Variants in ADARB2 observed in about 807,000 individuals in gnomAD.
ADARB2 encodes the protein adenosine deaminase RNA specific B2 (inactive).
In ADARB2, 25 loss-of-function variants were observed where a neutral mutation model predicts 62.2. The observed-to-expected ratio is 0.40, with a 90% confidence interval of 0.29 to 0.56. ADARB2 has a LOEUF of 0.56. Ranked by LOEUF, ADARB2 falls within the 20% of genes least tolerant of loss-of-function variation. The probability of loss-of-function intolerance (pLI) is 0.43; values close to 1 mark genes in which losing one functional copy is unlikely to be tolerated. For missense variants in ADARB2, 1,071 were observed against 1,077.4 expected (o/e 0.99, Z 0.08); for synonymous variants, 572 against 500.8 (o/e 1.14, Z -1.90).
chr10:1,681,356 CT>C (rs960133148), intron 1 of ADARB2, among the ~76,000 whole-genome samples: 10 of 152,120 alleles, frequency 6.6e-5, no homozygotes, highest in Non-Finnish European at 1.2e-4. Context: ...TCTTAATGTC[CT>C]TTTTCCCAAC....
At chr10:1,620,663 C>A (rs1317288759) in intron 1 of ADARB2, among the ~76,000 whole-genome samples, 2 of 152,278 alleles carry the variant, frequency 1.3e-5, no homozygotes, top group African/African-American at 4.8e-5. Flanking sequence ...ACAAAAATAT[C>A]ACAAAAAGTA....
rs1410289561 is a variant in ADARB2 at position 1,323,259 on chromosome 10, A to AAC, written c.1077+39768_1077+39769insGT. 2.6e-5 allele frequency among the ~76,000 whole-genome samples: 4 copies of AAC among 152,136 alleles called. No individual in the cohort carries two copies. The East Asian group carries it at 7.7e-4, about 29-fold the overall frequency. ...GGATACTTTGAAATTGTAAAAAAAA[A>AAC]AAAAAAAAACACTGTTAGGATATGT... On this transcript the variant is annotated intron_variant, in intron 3 of 9. Transcript: ENST00000381312.
chr10:1,611,094 C>T (rs1833564772), intron 1 of ADARB2, among the ~76,000 whole-genome samples: 1 of 152,188 alleles, frequency 6.6e-6, no homozygotes, highest in Non-Finnish European at 1.5e-5. Context: ...TCCTAAACCT[C>T]CCCAAACATA....
At chr10:1,324,710 G>C (rs369752578) in intron 3 of ADARB2, among the ~76,000 whole-genome samples, 9 of 152,268 alleles carry the variant, frequency 5.9e-5, no homozygotes, top group African/African-American at 2.2e-4. Flanking sequence ...CAGACCAGTG[G>C]CCACCAGATA....
intron 6 of ADARB2, among the ~76,000 whole-genome samples, chr10:1,218,442 A>G (rs1397452117): frequency 6.6e-6 from 1 of 152,250 alleles, no homozygotes; most frequent in Non-Finnish European, 1.5e-5. Context: ...TATAGTGATT[A>G]TATCATTTAC....
intron 3 of ADARB2, among the ~76,000 whole-genome samples, chr10:1,329,357 T>C (rs1831906522): frequency 6.6e-6 from 1 of 152,220 alleles, no homozygotes; most frequent in South Asian, 2.1e-4. Flanking sequence ...GTTTAAATGA[T>C]TAAATCTCTA....
chr10:1,540,140 A>G (rs572766392), intron 1 of ADARB2, among the ~76,000 whole-genome samples: 3 of 152,322 alleles, frequency 2.0e-5, no homozygotes, highest in Admixed American at 1.3e-4. Context: ...CCGATTCTCA[A>G]CAATATAAGA....
intron 1 of ADARB2, among the ~76,000 whole-genome samples, chr10:1,564,320 TA>T (rs1175810556): frequency 6.6e-6 from 1 of 152,214 alleles, no homozygotes; most frequent in Non-Finnish European, 1.5e-5. Context: ...GAAGAAAACC[TA>T]GGCATTACCA....
intron 1 of ADARB2, among the ~76,000 whole-genome samples, chr10:1,456,663 C>A (rs1177395048): frequency 6.6e-6 from 1 of 152,124 alleles, no homozygotes; most frequent in African/African-American, 2.4e-5. Context: ...ACGCGCGGGG[C>A]GTGGTAAAAA....
intron 3 of ADARB2, among the ~76,000 whole-genome samples, chr10:1,309,152 T>A (rs2131821850): frequency 6.6e-6 from 1 of 152,328 alleles, no homozygotes; most frequent in South Asian, 2.1e-4. Flanking sequence ...ATTTGGGACA[T>A]GTCTGAGGTT....
At position 1,415,518 on chromosome 10, in the gene ADARB2, C is replaced by A. The variant is rs559891853; in HGVS notation, c.101-36358G>T. ...GGCCAGATAAACACGACACCTCTTC[C>A]GCATGGTAAGAAATATTTGGGAATA... On this transcript the variant is annotated intron_variant, in intron 1 of 9. Coordinates refer to ENST00000381312, the MANE Select transcript of ADARB2 (RefSeq NM_018702.4). Among the ~76,000 whole-genome samples the A allele has an allele frequency of 5.3e-5, 6 of 112,528 alleles. No homozygotes were observed. The East Asian group carries it at 1.3e-3, about 24-fold the overall frequency. 73.8% of individuals were successfully genotyped at this position (112,528 alleles called of 152,430 possible). A position where few individuals can be genotyped will look rare whatever the true frequency, so the allele number is the denominator to read the frequency against.
chr10:1,178,791 C>T lies in ADARB2; in HGVS notation c.*4402G>A, dbSNP rs960150362. On this transcript the variant is annotated 3_prime_UTR_variant, in exon 10 of 10. Coordinates refer to ENST00000381312, the MANE Select transcript of ADARB2 (RefSeq NM_018702.4). ...GGTATGTGGGATGGCGGCTCCCTGACATGGACTAGGGGACTCTGCAGCCTC... is the reference window on the plus strand; with the variant it reads ...GGTATGTGGGATGGCGGCTCCCTGATATGGACTAGGGGACTCTGCAGCCTC... 7 of 152,176 alleles carry T rather than the reference C, an allele frequency of 4.6e-5. No individual in the cohort carries two copies. Among genetic ancestry groups the T allele is most frequent in the African/African-American group, 1.7e-4 (7 of 41,448 alleles). The allele number at this position is 152,176 out of a possible 1,614,324, so 9.4% of individuals were successfully genotyped here.
chr10:1,571,864 G>A (rs914769081), intron 1 of ADARB2, among the ~76,000 whole-genome samples: 2 of 151,656 alleles, frequency 1.3e-5, no homozygotes, highest in East Asian at 3.9e-4. Context: ...GAGTATGCAG[G>A]TGAGTGTGCA....
chr10:1,617,929 C>T (rs376173968), intron 1 of ADARB2, among the ~76,000 whole-genome samples: 5 of 152,230 alleles, frequency 3.3e-5, no homozygotes, highest in Admixed American at 6.5e-5. Flanking sequence ...TTTTGTTGGA[C>T]GGCTCTTCCC....
chr10:1,534,688 C>T (rs1025701569), intron 1 of ADARB2: 2 of 160,504 alleles, frequency 1.2e-5, no homozygotes, highest in Admixed American at 1.3e-4. Context: ...CTATGGCTCC[C>T]TGCCCACGTG....
intron 1 of ADARB2, among the ~76,000 whole-genome samples, chr10:1,475,650 A>G (rs930105554): frequency 3.3e-5 from 5 of 152,258 alleles, no homozygotes; most frequent in Non-Finnish European, 7.3e-5. Flanking sequence ...CATATTTTTT[A>G]AAGTTCAGCC....
chr10:1,272,857 C>T (rs1459300674), intron 3 of ADARB2, among the ~76,000 whole-genome samples: 2 of 152,196 alleles, frequency 1.3e-5, no homozygotes, highest in South Asian at 2.1e-4. Flanking sequence ...AGGGATTCAT[C>T]CCCCCGAAGC....
chr10:1,501,898 G>A (rs1166474573), intron 1 of ADARB2, among the ~76,000 whole-genome samples: 1 of 152,208 alleles, frequency 6.6e-6, no homozygotes, highest in East Asian at 1.9e-4. Flanking sequence ...ACTGGGCAGA[G>A]GACAGGATTA....
Position 1,184,957 on chromosome 10 carries a change from C to T in ADARB2, c.1947G>A (p.Glu649=), listed in dbSNP as rs1445715314. The change falls in exon 9 of 10, where the codon GAG becomes GAA. Residue 649 remains glutamate (E), a synonymous_variant. Coordinates refer to ENST00000381312, the MANE Select transcript of ADARB2 (RefSeq NM_018702.4). ...MNWVVGSADL[E]IINATTGRRS... is the part of the protein sequence containing the mutation. ...TCCGCCCAGTGGTGGCGTTGATAAT[C>T]TCCAGGTCCGCGCTGCCCACGACCC... The T allele has an allele frequency of 6.2e-7, 1 of 1,613,922 alleles. No individual in the cohort carries two copies. The highest frequency in any genetic ancestry group is 2.2e-5 in the East Asian group (1 of 44,880).
Sources: gnomAD v4.1 joint callset for allele counts (sites outside exome capture counted in the v4.1 genomes callset) on GRCh38, gnomAD v4.1.1 for gene constraint, MANE v1.5 for transcripts, NCBI Gene and HGNC (gene_info 2026-07-23, HGNC 2026-07-21) for gene names.